HACE1: variants seen among roughly 807,000 people sequenced by gnomAD.
HACE1 encodes E3 ubiquitin-protein ligase HACE1.
In HACE1, 73 loss-of-function variants were observed where a neutral mutation model predicts 118.4. The ratio of observed to expected loss-of-function variants is 0.62; its 90% CI spans 0.51 to 0.75. The LOEUF (loss-of-function observed/expected upper bound fraction) is 0.75, where lower values mean the gene tolerates loss of function less well. Ranked by LOEUF, HACE1 falls within the 30% of genes least tolerant of loss-of-function variation. The pLI, the probability that HACE1 is intolerant of heterozygous loss-of-function variation, is 0.00. For missense variants in HACE1, 749 were observed against 1,102.2 expected (o/e 0.68, Z 4.54); for synonymous variants, 368 against 374.8 (o/e 0.98, Z 0.21).
chr6:104,738,713 G>C (rs575998264), intron 22 of HACE1, among the ~76,000 whole-genome samples: 15 of 148,874 alleles, frequency 1.0e-4, no homozygotes, highest in East Asian at 9.8e-4. Flanking sequence ...GAAAGTGATG[G>C]GGAGAATGGA....
At chr6:104,805,465 C>A (rs1770886690) in intron 7 of HACE1, among the ~76,000 whole-genome samples, 1 of 152,170 alleles carries the variant, frequency 6.6e-6, no homozygotes, top group African/African-American at 2.4e-5. Context: ...AAATGTCCAT[C>A]CGTGATAGAC....
chr6:104,743,776 C>G (rs1777095657), intron 22 of HACE1, among the ~76,000 whole-genome samples: 1 of 151,744 alleles, frequency 6.6e-6, no homozygotes, highest in Admixed American at 6.6e-5. Context: ...CAGAGTTAAC[C>G]AGGATAAACT....
chr6:104,822,276 A>G (rs1486369778), intron 6 of HACE1, among the ~76,000 whole-genome samples: 1 of 150,430 alleles, frequency 6.6e-6, no homozygotes, highest in Non-Finnish European at 1.5e-5. Context: ...CCAGCTACTC[A>G]GGAGGCTGAG....
In HACE1 at chr6:104,729,704, A is replaced by G. The variant is rs996441356; in HGVS notation, c.2688T>C (p.Leu896=). 1.4e-5 allele frequency: 23 copies of G among 1,592,608 alleles called. No individual in the cohort carries two copies. Among genetic ancestry groups the G allele is most frequent in the Non-Finnish European group, 1.9e-5 (22 of 1,160,762 alleles). The change falls in exon 24 of 24, where the codon CTT becomes CTC. Residue 896 remains leucine, a synonymous_variant. Transcript: ENST00000262903. ...CATAGCTGCCACAATGTAGTGCCAC[A>G]AGAAGTCTGTCCTTGAGTATTTCTT... The part of the protein sequence containing the change: ...PSKEILKDRL[L]VALHCGSYGY...
Position 104,814,829 on chromosome 6 carries a change from G to A in HACE1, c.535-3436C>T, listed in dbSNP as rs1001624670. On this transcript the variant is annotated intron_variant, in intron 6 of 23. Coordinates refer to ENST00000262903, the MANE Select transcript of HACE1 (RefSeq NM_020771.4). ...TCCCTCTCTCCTGCCACCATCTGAA[G>A]AAGATGCTTGCTTCCCCCTTTGCCT... Among the ~76,000 whole-genome samples, 14 of 137,978 alleles carry A rather than the reference G, an allele frequency of 1.0e-4. 5 individuals are homozygous for A. The highest frequency in any genetic ancestry group is 3.8e-4 in the African/African-American group (13 of 34,434). The allele number at this position is 137,978 out of a possible 152,430, so 90.5% of individuals were successfully genotyped here. A position where few individuals can be genotyped will look rare whatever the true frequency, so the allele number is the denominator to read the frequency against.
intron 7 of HACE1, among the ~76,000 whole-genome samples, chr6:104,799,292 A>G (rs1160181240): frequency 6.6e-6 from 1 of 152,214 alleles, no homozygotes; most frequent in Non-Finnish European, 1.5e-5. Context: ...ATTTTGCAAC[A>G]AAGAGCAGTT....
intron 13 of HACE1, 75 bp from the exon 14 acceptor site, chr6:104,784,248 T>C (rs1173021796): frequency 1.1e-6 from 1 of 912,594 alleles, no homozygotes; most frequent in African/African-American, 1.6e-5. Flanking sequence ...TCAGATACAC[T>C]GACACTGAAA....
At chr6:104,793,911 G>T (rs1259895841) in intron 10 of HACE1, among the ~76,000 whole-genome samples, 1 of 152,162 alleles carries the variant, frequency 6.6e-6, no homozygotes, top group African/African-American at 2.4e-5. Context: ...CACTTGGAAG[G>T]TAGCACCATA....
chr6:104,760,174 G>C (rs954479398), intron 19 of HACE1, among the ~76,000 whole-genome samples: 4 of 152,180 alleles, frequency 2.6e-5, no homozygotes, highest in Admixed American at 1.3e-4. Flanking sequence ...TAGAAAAAGA[G>C]GGAATCCTCT....
intron 6 of HACE1, among the ~76,000 whole-genome samples, chr6:104,829,588 C>T (rs1351334624): frequency 6.6e-6 from 1 of 152,024 alleles, no homozygotes; most frequent in African/African-American, 2.4e-5. Flanking sequence ...ATATGATCAT[C>T]ATAGGTAACG....
chr6:104,760,987 C>G (rs551992993), intron 19 of HACE1, among the ~76,000 whole-genome samples: 4 of 152,150 alleles, frequency 2.6e-5, no homozygotes, highest in Admixed American at 6.6e-5. Context: ...ATACAACTTA[C>G]AAGGGATGTG....
chr6:104,770,677 C>G (rs911537541), intron 19 of HACE1, among the ~76,000 whole-genome samples: 2 of 152,048 alleles, frequency 1.3e-5, no homozygotes, highest in Admixed American at 1.3e-4. Context: ...CGAGATCATA[C>G]CACTGCGCTC....
intron 6 of HACE1, among the ~76,000 whole-genome samples, chr6:104,820,142 C>T (rs1471721542): frequency 1.3e-5 from 2 of 150,852 alleles, no homozygotes; most frequent in Non-Finnish European, 2.9e-5. Flanking sequence ...TTGCAGTGAG[C>T]CGAGATTGTG....
Position 104,811,389 on chromosome 6 carries a change from ACTGT to A in HACE1, c.535_538del (p.Thr179CysfsTer5). On this transcript the variant is annotated frameshift_variant and splice_region_variant, in exon 7 of 24. Transcript: ENST00000262903. LOFTEE classifies it high-confidence loss of function. Reference sequence around the variant, plus strand: ...AGCACCACTGTCTAGCAAGCACTGCACTGTCTGAGGGGGAAAAAATAATTAAAAG... The same window carrying A: ...AGCACCACTGTCTAGCAAGCACTGCACTGAGGGGGAAAAAATAATTAAAAG... The A allele has an allele frequency of 1.4e-5, 21 of 1,455,898 alleles. No homozygotes were observed. Among genetic ancestry groups the A allele is most frequent in the African/African-American group, 4.2e-5 (3 of 71,686 alleles). The allele number at this position is 1,455,898 out of a possible 1,614,324, so 90.2% of individuals were successfully genotyped here.
intron 4 of HACE1, among the ~76,000 whole-genome samples, chr6:104,844,846 T>C (rs1024512264): frequency 1.3e-5 from 2 of 151,514 alleles, no homozygotes; most frequent in Non-Finnish European, 2.9e-5. Flanking sequence ...GTATTTTTAG[T>C]AGAGACTGGG....
chr6:104,756,213 C>T (rs1203840434), intron 19 of HACE1, among the ~76,000 whole-genome samples: 1 of 151,760 alleles, frequency 6.6e-6, no homozygotes, highest in Admixed American at 6.6e-5. Flanking sequence ...GAGTTCTAGA[C>T]CAGCTGGGCC....
At chr6:104,797,310 C>T (rs569510859) in intron 7 of HACE1, among the ~76,000 whole-genome samples, 1 of 144,050 alleles carries the variant, frequency 6.9e-6, no homozygotes, top group Admixed American at 7.0e-5. Flanking sequence ...CAGGCTTCTG[C>T]TTTTTTTTTT....
intron 19 of HACE1, among the ~76,000 whole-genome samples, chr6:104,758,337 T>C (rs894115597): frequency 2.6e-5 from 4 of 152,218 alleles, no homozygotes; most frequent in African/African-American, 9.7e-5. Flanking sequence ...CCCATCAGAC[T>C]ATCAGCAGAT....
chr6:104,744,258 C>G, intron 21 of HACE1, 28 bp from the exon 22 acceptor site: 4 of 1,386,780 alleles, frequency 2.9e-6, no homozygotes, highest in Non-Finnish European at 4.1e-6. Flanking sequence ...AAACTTAGCT[C>G]ATATTTCAGA....
Sources: gnomAD v4.1 joint callset for allele counts (sites outside exome capture counted in the v4.1 genomes callset) on GRCh38, gnomAD v4.1.1 for gene constraint, MANE v1.5 for transcripts, NCBI Gene and HGNC (gene_info 2026-07-23, HGNC 2026-07-21) for gene names.